Variants in GALNTL6 observed in about 807,000 individuals in gnomAD.
The protein encoded by GALNTL6 is polypeptide N-acetylgalactosaminyltransferase like 6.
Under a neutral mutation model 73.7 loss-of-function variants are expected in GALNTL6, and 46 were observed. The ratio of observed to expected loss-of-function variants is 0.62; its 90% CI spans 0.49 to 0.80. GALNTL6 has a LOEUF of 0.80. Ranked by LOEUF, GALNTL6 falls within the 30% of genes least tolerant of loss-of-function variation. The pLI is 0.00. For synonymous variants in GALNTL6, 259 were observed against 263.7 expected (o/e 0.98, Z 0.17); for missense variants, 604 against 755.0 (o/e 0.80, Z 2.34).
intron 4 of GALNTL6, among the ~76,000 whole-genome samples, chr4:172,318,810 C>T (rs542119821): frequency 1.3e-5 from 2 of 150,866 alleles, no homozygotes; most frequent in South Asian, 4.2e-4. Flanking sequence ...AATGGGAAAA[C>T]AGTGCACATG....
intron 5 of GALNTL6, among the ~76,000 whole-genome samples, chr4:172,475,710 A>G (rs190520632): frequency 6.6e-6 from 1 of 152,352 alleles, no homozygotes; most frequent in Non-Finnish European, 1.5e-5. Context: ...TAGAGAATTT[A>G]GAGAAGTTTA....
intron 5 of GALNTL6, among the ~76,000 whole-genome samples, chr4:172,772,757 G>A (rs1350814001): frequency 6.6e-6 from 1 of 152,036 alleles, no homozygotes; most frequent in Non-Finnish European, 1.5e-5. Flanking sequence ...CTAATTCCTG[G>A]AGCCTAGGAA....
chr4:172,348,760 A>C, intron 5 of GALNTL6, 71 bp downstream of exon 5: 1 of 996,368 alleles, frequency 1.0e-6, no homozygotes, highest in Non-Finnish European at 1.4e-6. Context: ...CTTTTTAAAA[A>C]AGACAATGGG....
At chr4:172,812,009 AATGGATGG>A (rs71910847) in intron 6 of GALNTL6, among the ~76,000 whole-genome samples, 64,543 of 148,038 alleles carry the variant, frequency 0.44, 15,544 homozygotes, top group South Asian at 0.57. Context: ...TGGATGGATA[AATGGATGG>A]ATGGATGGAT....
chr4:172,358,191 C>T (rs1742235374), intron 5 of GALNTL6, among the ~76,000 whole-genome samples: 1 of 152,180 alleles, frequency 6.6e-6, no homozygotes, highest in Non-Finnish European at 1.5e-5. Flanking sequence ...CAAGTTCCAG[C>T]TCTGCCACTT....
At chr4:172,641,912 G>A (rs1386073418) in intron 5 of GALNTL6, among the ~76,000 whole-genome samples, 1 of 151,822 alleles carries the variant, frequency 6.6e-6, no homozygotes, top group Non-Finnish European at 1.5e-5. Flanking sequence ...TGAAAAAATG[G>A]GCGGAGGACC....
At chr4:172,599,487 TAACA>T (rs1233209520) in intron 5 of GALNTL6, among the ~76,000 whole-genome samples, 6 of 152,176 alleles carry the variant, frequency 3.9e-5, no homozygotes, top group African/African-American at 1.2e-4. Context: ...CAGTTGTTAT[TAACA>T]AACAGCCACT....
At chr4:172,402,787 A>C (rs1744087208) in intron 5 of GALNTL6, among the ~76,000 whole-genome samples, 1 of 152,094 alleles carries the variant, frequency 6.6e-6, no homozygotes, top group African/African-American at 2.4e-5. Context: ...CAGGTATCAG[A>C]ATATTCAAAA....
chr4:172,893,290 C>A (rs1307027791), intron 8 of GALNTL6, among the ~76,000 whole-genome samples: 1 of 152,072 alleles, frequency 6.6e-6, no homozygotes, highest in African/African-American at 2.4e-5. Context: ...GGGCACCCAG[C>A]TCCCACGCCA....
intron 2 of GALNTL6, among the ~76,000 whole-genome samples, chr4:172,061,212 T>C (rs946047946): frequency 4.0e-5 from 6 of 151,632 alleles, no homozygotes; most frequent in African/African-American, 1.5e-4. Flanking sequence ...CTCTGTATTC[T>C]CTCTCTCTCT....
chr4:172,523,026 G>A (rs1409737289), intron 5 of GALNTL6, among the ~76,000 whole-genome samples: 1 of 152,006 alleles, frequency 6.6e-6, no homozygotes, highest in African/African-American at 2.4e-5. Context: ...AATAAATTTT[G>A]CTTTTATTTA....
At chr4:172,565,907 G>T (rs1180924346) in intron 5 of GALNTL6, among the ~76,000 whole-genome samples, 3 of 152,024 alleles carry the variant, frequency 2.0e-5, no homozygotes, top group African/African-American at 7.2e-5. Context: ...AGACAAAATA[G>T]TCTTTAAGCC....
chr4:172,061,861 C>T (rs940792803), intron 2 of GALNTL6, among the ~76,000 whole-genome samples: 1 of 151,944 alleles, frequency 6.6e-6, no homozygotes, highest in Non-Finnish European at 1.5e-5. Flanking sequence ...AAGGACTTAG[C>T]ATACGCCAAC....
At chr4:172,447,098 C>G (rs1732049638) in intron 5 of GALNTL6, among the ~76,000 whole-genome samples, 1 of 152,048 alleles carries the variant, frequency 6.6e-6, no homozygotes, top group African/African-American at 2.4e-5. Context: ...GAGATCATGA[C>G]AGCAAAATGC....
chr4:172,129,480 T>A (rs72700937), intron 2 of GALNTL6, among the ~76,000 whole-genome samples: 3,180 of 152,274 alleles, frequency 0.021, 34 homozygotes, highest in Non-Finnish European at 0.031. Flanking sequence ...TTTTAATTTA[T>A]CTCTCAAGAT....
At chr4:172,516,294 G>A (rs1174210669) in intron 5 of GALNTL6, among the ~76,000 whole-genome samples, 1 of 152,062 alleles carries the variant, frequency 6.6e-6, no homozygotes, top group Non-Finnish European at 1.5e-5. Context: ...TAGAAAAACA[G>A]GTATATTTGT....
intron 5 of GALNTL6, among the ~76,000 whole-genome samples, chr4:172,370,646 A>G (rs960309773): frequency 6.6e-5 from 10 of 151,602 alleles, no homozygotes; most frequent in African/African-American, 2.4e-4. Context: ...AAAAAAAAAA[A>G]AAAAAGAGTT....
intron 2 of GALNTL6, among the ~76,000 whole-genome samples, chr4:171,923,786 C>CTCTGTG (rs1189195927): frequency 1.5e-5 from 2 of 133,294 alleles, no homozygotes; most frequent in African/African-American, 5.8e-5. Context: ...AAAAGTATTG[C>CTCTGTG]TGTGTGTGTG....
At chr4:172,529,868 TTTATTTATTTATTTA>T (rs1735111972) in intron 5 of GALNTL6, among the ~76,000 whole-genome samples, 1 of 4,872 alleles carries the variant, frequency 2.1e-4, no homozygotes, top group Non-Finnish European at 5.2e-4. Flanking sequence ...TTTTATTTTA[TTTATTTATTTATTTA>T]TTTATTTATT....
Sources: allele counts gnomAD v4.1 joint callset (sites outside exome capture counted in the v4.1 genomes callset), GRCh38; gene constraint gnomAD v4.1.1; transcripts MANE v1.5; gene names NCBI Gene and HGNC (gene_info 2026-07-23, HGNC 2026-07-21).